NR3C1: variants seen among roughly 807,000 people sequenced by gnomAD.
NR3C1 encodes the protein glucocorticoid receptor.
NR3C1 carries 14 observed loss-of-function variants against 74.0 expected under a neutral mutation model. The ratio of observed to expected loss-of-function variants is 0.19; its 90% CI spans 0.12 to 0.30. The LOEUF (loss-of-function observed/expected upper bound fraction) is 0.30. Among genes scored for constraint, NR3C1 ranks in the 10% least tolerant of loss-of-function variants. NR3C1 has a pLI of 1.00. For synonymous variants in NR3C1, 308 were observed against 332.5 expected, an observed-to-expected ratio of 0.93 and a Z score of 0.80; for missense variants, 695 against 909.8, an observed-to-expected ratio of 0.76 and a Z score of 3.04.
chr5:143,377,969 G>A (rs539437836), intron 2 of NR3C1, among the ~76,000 whole-genome samples: 1 of 152,292 alleles, frequency 6.6e-6, no homozygotes, highest in South Asian at 2.1e-4. Flanking sequence ...GAAATTGGGG[G>A]CCAGGTGCAG....
intron 2 of NR3C1, among the ~76,000 whole-genome samples, chr5:143,336,095 T>C (rs1600081842): frequency 6.6e-6 from 1 of 152,250 alleles, no homozygotes; most frequent in South Asian, 2.1e-4. Flanking sequence ...GTTAAGTACT[T>C]AAACACTTAG....
At chr5:143,427,383 G>A (rs1443605177) in intron 1 of NR3C1, among the ~76,000 whole-genome samples, 1 of 152,084 alleles carries the variant, frequency 6.6e-6, no homozygotes, top group African/African-American at 2.4e-5. Flanking sequence ...GAATTACCCT[G>A]AGAGGTTAAT....
At chr5:143,353,312 T>A (rs1399931353) in intron 2 of NR3C1, among the ~76,000 whole-genome samples, 14 of 152,200 alleles carry the variant, frequency 9.2e-5, no homozygotes, top group African/African-American at 3.4e-4. Flanking sequence ...GGAATCAACT[T>A]CTTTCAAACT....
At chr5:143,431,967 C>T (rs1371346886) in intron 1 of NR3C1, among the ~76,000 whole-genome samples, 1 of 152,158 alleles carries the variant, frequency 6.6e-6, no homozygotes, top group Non-Finnish European at 1.5e-5. Context: ...GATGACTCTC[C>T]CTGAGGGGGT....
chr5:143,394,614 T>C (rs570777968), intron 2 of NR3C1, among the ~76,000 whole-genome samples: 2 of 152,124 alleles, frequency 1.3e-5, no homozygotes, highest in African/African-American at 4.8e-5. Flanking sequence ...GAACTTAATC[T>C]TAGCTAAAAT....
chr5:143,402,500 C>T (rs956252283), intron 1 of NR3C1: 3 of 742,988 alleles, frequency 4.0e-6, no homozygotes, highest in South Asian at 6.1e-5. Context: ...CACTTAGAAA[C>T]CTCAGGCGCG....
chr5:143,286,284 G>GAAAT (rs1038289730), intron 7 of NR3C1, among the ~76,000 whole-genome samples: 3 of 152,012 alleles, frequency 2.0e-5, no homozygotes, highest in African/African-American at 7.2e-5. Context: ...GTTTAAGAAA[G>GAAAT]AAATAATACC....
intron 7 of NR3C1, among the ~76,000 whole-genome samples, chr5:143,293,676 C>T (rs189573283): frequency 1.3e-5 from 2 of 152,148 alleles, no homozygotes; most frequent in East Asian, 3.9e-4. Context: ...TTTTTTTAGT[C>T]TAGCATTTTT....
At chr5:143,407,173 A>T (rs1841141484), upstream of NR3C1, 1 of 152,236 alleles carries the variant, frequency 6.6e-6, no homozygotes, top group African/African-American at 2.4e-5. Flanking sequence ...TCATAGCTTT[A>T]TGTCCCACTC....
At position 143,279,164 on chromosome 5, in the gene NR3C1, T is replaced by G; in HGVS notation, c.*2725A>C. 3 of 607,724 alleles carry G rather than the reference T, an allele frequency of 4.9e-6. No individual in the cohort carries two copies. In the South Asian group the frequency reaches 7.2e-5, roughly 14 times the overall value. The allele number at this position is 607,724 out of a possible 1,614,324, so 37.6% of individuals were successfully genotyped here. A position where few individuals can be genotyped will look rare whatever the true frequency, so the allele number is the denominator to read the frequency against. On this transcript the variant is annotated 3_prime_UTR_variant, in exon 9 of 9. Coordinates refer to ENST00000394464, the MANE Select transcript of NR3C1 (RefSeq NM_000176.3). Reference sequence around the variant, plus strand: ...ACAGCACCACCATATAGCACTTAAATCCACAATTAAACATAATTAAGATGA... The same window carrying G: ...ACAGCACCACCATATAGCACTTAAAGCCACAATTAAACATAATTAAGATGA...
At chr5:143,427,207 C>T (rs1272394761) in intron 1 of NR3C1, among the ~76,000 whole-genome samples, 2 of 152,090 alleles carry the variant, frequency 1.3e-5, no homozygotes, top group African/African-American at 4.8e-5. Flanking sequence ...GACCATTTCA[C>T]TCCAGATATA....
upstream of NR3C1, chr5:143,406,895 C>G (rs907229148): frequency 6.6e-5 from 10 of 152,166 alleles, no homozygotes; most frequent in African/African-American, 2.4e-4. Context: ...TGAGATTTAG[C>G]ATTATAATAA....
At chr5:143,320,998 G>C (rs1183523462) in intron 2 of NR3C1, among the ~76,000 whole-genome samples, 1 of 152,154 alleles carries the variant, frequency 6.6e-6, no homozygotes, top group Non-Finnish European at 1.5e-5. Context: ...AACCAGTATG[G>C]TAAGAAGAAA....
chr5:143,362,102 C>G (rs1035070038), intron 2 of NR3C1, among the ~76,000 whole-genome samples: 1 of 152,044 alleles, frequency 6.6e-6, no homozygotes, highest in African/African-American at 2.4e-5. Flanking sequence ...ATAAAAAGGG[C>G]AAAAACTGTC....
chr5:143,317,571 T>G (rs184565869), intron 2 of NR3C1, among the ~76,000 whole-genome samples: 484 of 152,164 alleles, frequency 3.2e-3, no homozygotes, highest in Admixed American at 9.6e-3. Context: ...GAATGGCAAA[T>G]GTAGTAGAAA....
chr5:143,303,709 G>C (rs1818975999), intron 4 of NR3C1, among the ~76,000 whole-genome samples: 1 of 151,984 alleles, frequency 6.6e-6, no homozygotes, highest in Non-Finnish European at 1.5e-5. Context: ...ACTGAATCCA[G>C]CTGCACATCA....
intron 2 of NR3C1, among the ~76,000 whole-genome samples, chr5:143,329,532 G>T (rs1180927960): frequency 6.6e-6 from 1 of 152,126 alleles, no homozygotes; most frequent in African/African-American, 2.4e-5. Flanking sequence ...ATCTAAATTT[G>T]CATTCAAGAT....
intron 2 of NR3C1, among the ~76,000 whole-genome samples, chr5:143,387,249 G>A (rs1442749794): frequency 6.6e-6 from 1 of 151,990 alleles, no homozygotes; most frequent in African/African-American, 2.4e-5. Flanking sequence ...CTTATTATCT[G>A]CTTTAATTAC....
chr5:143,431,093 G>A (rs1339728834), intron 1 of NR3C1, among the ~76,000 whole-genome samples: 1 of 152,174 alleles, frequency 6.6e-6, no homozygotes, highest in Non-Finnish European at 1.5e-5. Flanking sequence ...GGGATGTACT[G>A]TTTGGTCCCT....
Sources: gnomAD v4.1 joint callset for allele counts (sites outside exome capture counted in the v4.1 genomes callset) on GRCh38, gnomAD v4.1.1 for gene constraint, MANE v1.5 for transcripts, NCBI Gene and HGNC (gene_info 2026-07-23, HGNC 2026-07-21) for gene names.